Variants in TUSC3 observed in about 807,000 individuals in gnomAD.
The protein encoded by TUSC3 is dolichyl-diphosphooligosaccharide--protein glycosyltransferase subunit TUSC3.
In TUSC3, 45 loss-of-function variants were observed where a neutral mutation model predicts 44.8. That is an observed-to-expected ratio of 1.00 (90% confidence interval 0.79 to 1.29). The LOEUF is 1.29. Among genes scored for constraint, TUSC3 ranks in the 50% most tolerant of loss-of-function variants. TUSC3 has a pLI of 0.00. For missense variants in TUSC3, 519 were observed against 437.9 expected (o/e 1.19, Z -1.65); for synonymous variants, 212 against 152.9 (o/e 1.39, Z -2.85).
intron 1 of TUSC3, among the ~76,000 whole-genome samples, chr8:15,446,412 C>T (rs13281517): frequency 0.025 from 3,772 of 152,040 alleles, 72 homozygotes; most frequent in Non-Finnish European, 0.042. Context: ...GTCGAGATCA[C>T]GCCACTGCAC....
At chr8:15,772,149 T>C in the TUSC3 span, among the ~76,000 whole-genome samples, 67,774 of 151,568 alleles carry the variant, frequency 0.45, 15,527 homozygotes, top group Non-Finnish European at 0.49. Flanking sequence ...CTTTAAAGAA[T>C]TGGAAAAAGA....
At chr8:15,728,281 C>G (rs2129207170) in intron 6 of TUSC3, among the ~76,000 whole-genome samples, 1 of 152,174 alleles carries the variant, frequency 6.6e-6, no homozygotes, top group East Asian at 1.9e-4. Context: ...ATAAAGGAGG[C>G]TATTGCAATC....
intron 1 of TUSC3, among the ~76,000 whole-genome samples, chr8:15,569,235 A>C (rs1197283174): frequency 6.6e-6 from 1 of 152,154 alleles, no homozygotes; most frequent in Non-Finnish European, 1.5e-5. Context: ...ATAAGCTACT[A>C]AATTCTTTTA....
At chr8:15,522,171 C>G (rs754051423) in intron 2 of TUSC3, among the ~76,000 whole-genome samples, 4 of 152,000 alleles carry the variant, frequency 2.6e-5, no homozygotes, top group Non-Finnish European at 5.9e-5. Context: ...GGTAGCTTTA[C>G]CAAGCTGTTC....
At chr8:15,486,311 G>A (rs949942704) in intron 2 of TUSC3, among the ~76,000 whole-genome samples, 7 of 152,146 alleles carry the variant, frequency 4.6e-5, no homozygotes, top group African/African-American at 1.7e-4. Flanking sequence ...GGTTTTCAGG[G>A]ATAAGTGGTA....
intron 2 of TUSC3, among the ~76,000 whole-genome samples, chr8:15,515,226 T>G (rs1010791833): frequency 7.2e-5 from 11 of 152,170 alleles, no homozygotes; most frequent in African/African-American, 2.7e-4. Flanking sequence ...CGCTTTCTAC[T>G]TTGATGTTTT....
intron 2 of TUSC3, among the ~76,000 whole-genome samples, chr8:15,493,526 G>A (rs1185256239): frequency 2.0e-5 from 3 of 152,128 alleles, no homozygotes; most frequent in Admixed American, 6.5e-5. Context: ...GCCTCCCAAA[G>A]TGCTGGGATT....
chr8:15,449,440 C>T (rs1051713678), intron 1 of TUSC3, among the ~76,000 whole-genome samples: 7 of 152,088 alleles, frequency 4.6e-5, no homozygotes, highest in Non-Finnish European at 7.4e-5. Flanking sequence ...AGAACCACCC[C>T]GCCATGGCTG....
chr8:15,747,440 A>G (rs28494977), intron 8 of TUSC3, among the ~76,000 whole-genome samples: 6,816 of 150,096 alleles, frequency 0.045, 209 homozygotes, highest in African/African-American at 0.07. Context: ...TTATATATTT[A>G]AATAAATTTT....
intron 6 of TUSC3, among the ~76,000 whole-genome samples, chr8:15,708,752 T>A (rs908819180): frequency 6.6e-5 from 10 of 151,936 alleles, no homozygotes; most frequent in Admixed American, 6.6e-4. Flanking sequence ...ATTATAATCA[T>A]GGCTTCTATT....
intron 7 of TUSC3, among the ~76,000 whole-genome samples, chr8:15,740,989 C>G (rs1415580602): frequency 6.6e-6 from 1 of 152,078 alleles, no homozygotes; most frequent in Non-Finnish European, 1.5e-5. Context: ...AAACATGTTA[C>G]TCATAGTTTT....
chr8:15,595,674 T>C (rs1804037820), intron 1 of TUSC3, among the ~76,000 whole-genome samples: 2 of 152,172 alleles, frequency 1.3e-5, no homozygotes, highest in African/African-American at 4.8e-5. Context: ...TTCAAAAGCA[T>C]CCAGAGATTG....
At chr8:15,440,465 TA>T (rs1459187227) in intron 1 of TUSC3, among the ~76,000 whole-genome samples, 1 of 152,138 alleles carries the variant, frequency 6.6e-6, no homozygotes, top group Non-Finnish European at 1.5e-5. Flanking sequence ...AAGCAGAGAA[TA>T]ACAGAACTAA....
At chr8:15,550,420 C>T (rs1802020726) in intron 1 of TUSC3, among the ~76,000 whole-genome samples, 1 of 151,498 alleles carries the variant, frequency 6.6e-6, no homozygotes, top group Non-Finnish European at 1.5e-5. Flanking sequence ...CAAAATATTG[C>T]ATTATAGAAT....
At chr8:15,606,034 TTAATG>T (rs1309570389) in intron 1 of TUSC3, among the ~76,000 whole-genome samples, 1 of 151,936 alleles carries the variant, frequency 6.6e-6, no homozygotes, top group Non-Finnish European at 1.5e-5. Context: ...TTCATTCTGT[TTAATG>T]TAATAGTGTA....
chr8:15,617,940 T>G (rs974615227), intron 1 of TUSC3, among the ~76,000 whole-genome samples: 2 of 152,126 alleles, frequency 1.3e-5, no homozygotes, highest in African/African-American at 4.8e-5. Context: ...GTGGTATAGC[T>G]CCTAGGGTAC....
chr8:15,625,748 G>A (rs1471129324), intron 2 of TUSC3, among the ~76,000 whole-genome samples: 2 of 152,216 alleles, frequency 1.3e-5, no homozygotes, highest in Admixed American at 6.5e-5. Flanking sequence ...AAGGGAATGA[G>A]AGTGTTCTAA....
chr8:15,487,961 T>C (rs906173604), intron 2 of TUSC3, among the ~76,000 whole-genome samples: 1 of 151,660 alleles, frequency 6.6e-6, no homozygotes, highest in South Asian at 2.1e-4. Flanking sequence ...AACACTCTCG[T>C]CTGAAATTCA....
At chr8:15,782,242 G>A in the TUSC3 span, among the ~76,000 whole-genome samples, 1 of 152,226 alleles carries the variant, frequency 6.6e-6, no homozygotes, top group Non-Finnish European at 1.5e-5. Context: ...GGATGCCAAG[G>A]CAGGAGAATT....
Sources: gnomAD v4.1 joint callset for allele counts (sites outside exome capture counted in the v4.1 genomes callset) on GRCh38, gnomAD v4.1.1 for gene constraint, MANE v1.5 for transcripts, NCBI Gene and HGNC (gene_info 2026-07-23, HGNC 2026-07-21) for gene names.